The following TRIM44 variants were observed in gnomAD, a reference collection of about 807,000 sequenced individuals.
TRIM44 encodes the protein tripartite motif-containing protein 44.
Under a neutral mutation model 37.4 loss-of-function variants are expected in TRIM44, and 13 were observed. That is an observed-to-expected ratio of 0.35 (90% CI 0.23 to 0.55). TRIM44 has a LOEUF of 0.55. TRIM44 is among the 20% of genes least tolerant of loss of function. TRIM44 has a pLI of 0.89. For missense variants in TRIM44, 426 were observed against 437.2 expected (o/e 0.97, Z 0.23); for synonymous variants, 175 against 157.2 (o/e 1.11, Z -0.85).
rs369326810 is a variant in TRIM44 at position 35,663,333 on chromosome 11, G to C, written c.222G>C (p.Glu74Asp). 5.6e-6 allele frequency: 9 copies of C among 1,613,972 alleles called. No homozygotes were observed. The highest frequency in any genetic ancestry group is 2.7e-5 in the African/African-American group (2 of 74,924). Residue 74 changes from glutamate to aspartate, a missense_variant, in exon 1 of 5, where the codon GAG becomes GAC. Physicochemically the swap from Glu to Asp is conservative, Grantham distance 45 (BLOSUM62 2). Around this residue, in one of 2 missense-constraint regions of TRIM44, gnomAD observed 331 missense variants for 303.0 expected, o/e 1.09. Coordinates refer to ENST00000299413, the MANE Select transcript of TRIM44 (RefSeq NM_017583.6). ...SQAWTPPADGEGAGKEEAEVK... is the reference protein window; with the variant it reads ...SQAWTPPADGDGAGKEEAEVK... ...CCTGGACCCCGCCAGCTGACGGAGA[G>C]GGGGCGGGGAAGGAAGAAGCGGAGG... is the stretch of plus-strand genomic sequence containing the variant.
At chr11:35,764,919 A>C (rs1852774251) in intron 4 of TRIM44, among the ~76,000 whole-genome samples, 2 of 151,964 alleles carry the variant, frequency 1.3e-5, no homozygotes, top group Admixed American at 1.3e-4. Context: ...GTTGTACTTA[A>C]TTTTTTTAAA....
At chr11:35,669,456 C>CTTTA (rs35954725) in intron 1 of TRIM44, among the ~76,000 whole-genome samples, 26,931 of 148,300 alleles carry the variant, frequency 0.18, 2,593 homozygotes, top group Middle Eastern at 0.3. Context: ...AAAGGATCCC[C>CTTTA]TTTATTTATT....
chr11:35,689,332 G>T (rs978801797), intron 2 of TRIM44, among the ~76,000 whole-genome samples: 3 of 152,188 alleles, frequency 2.0e-5, no homozygotes, highest in African/African-American at 7.2e-5. Context: ...TTTTGTGCAT[G>T]GATGTTGCTG....
chr11:35,747,862 A>G (rs542993595), intron 4 of TRIM44, among the ~76,000 whole-genome samples: 2 of 150,062 alleles, frequency 1.3e-5, no homozygotes, highest in Admixed American at 1.3e-4. Context: ...TCCAGAACTG[A>G]TAATTAACTG....
At chr11:35,757,947 A>G (rs147793703) in intron 4 of TRIM44, among the ~76,000 whole-genome samples, 4,350 of 152,186 alleles carry the variant, frequency 0.029, 191 homozygotes, top group East Asian at 0.14. Context: ...AATAGGTGTG[A>G]TGTGGTGCTG....
intron 4 of TRIM44, among the ~76,000 whole-genome samples, chr11:35,755,882 G>C (rs1472086513): frequency 6.6e-6 from 1 of 152,174 alleles, no homozygotes; most frequent in Non-Finnish European, 1.5e-5. Flanking sequence ...TTTGGTACCA[G>C]TACCATGCTG....
chr11:35,756,535 A>G (rs1435005734), intron 4 of TRIM44, among the ~76,000 whole-genome samples: 1 of 152,118 alleles, frequency 6.6e-6, no homozygotes, highest in South Asian at 2.1e-4. Context: ...AGAACTTCCA[A>G]CACTATGTTG....
intron 4 of TRIM44, among the ~76,000 whole-genome samples, chr11:35,776,382 A>G (rs1261349410): frequency 6.6e-6 from 1 of 151,978 alleles, no homozygotes; most frequent in Non-Finnish European, 1.5e-5. Context: ...CGGTCTATCA[A>G]TTTTGTTGAT....
At chr11:35,771,978 ATGGTTTCCTTGGT>A (rs1384478668) in intron 4 of TRIM44, among the ~76,000 whole-genome samples, 2 of 152,150 alleles carry the variant, frequency 1.3e-5, no homozygotes, top group African/African-American at 2.4e-5. Context: ...CTAGGAGAAC[ATGGTTTCCTTGGT>A]CAGCCCAGTG....
intron 1 of TRIM44, among the ~76,000 whole-genome samples, chr11:35,664,508 G>A (rs993983465): frequency 6.6e-6 from 1 of 152,194 alleles, no homozygotes. Context: ...GAAACTGCTG[G>A]TGTTAATCGG....
At chr11:35,669,323 C>G (rs1173708823) in intron 1 of TRIM44, among the ~76,000 whole-genome samples, 1 of 152,072 alleles carries the variant, frequency 6.6e-6, no homozygotes. Flanking sequence ...TTTTTTCCCC[C>G]TCTCTGTTTT....
At chr11:35,758,700 G>A (rs1047733254) in intron 4 of TRIM44, among the ~76,000 whole-genome samples, 25 of 152,100 alleles carry the variant, frequency 1.6e-4, no homozygotes, top group Admixed American at 4.6e-4. Context: ...GCTTGTTGGT[G>A]ACAAAATCTC....
At chr11:35,765,179 G>T (rs761139410) in intron 4 of TRIM44, among the ~76,000 whole-genome samples, 22 of 152,134 alleles carry the variant, frequency 1.4e-4, no homozygotes, top group Non-Finnish European at 1.3e-4. Context: ...CAGGACCTCT[G>T]TCATGAGACA....
intron 3 of TRIM44, among the ~76,000 whole-genome samples, chr11:35,728,954 C>T (rs1852219011): frequency 6.6e-6 from 1 of 152,160 alleles, no homozygotes; most frequent in Admixed American, 6.5e-5. Context: ...TAAACACATT[C>T]TATTTTACTC....
At chr11:35,783,256 G>C (rs1853088050) in intron 4 of TRIM44, among the ~76,000 whole-genome samples, 1 of 152,162 alleles carries the variant, frequency 6.6e-6, no homozygotes, top group Admixed American at 6.5e-5. Context: ...CATTTCTCCA[G>C]AATGTCAGCC....
rs1220055712 is a variant in TRIM44 at position 35,806,940 on chromosome 11, G to GAGAA, written c.*559_*562dup. On this transcript the variant is annotated 3_prime_UTR_variant, in exon 5 of 5. Transcript: ENST00000299413. Reference sequence around the variant, plus strand: ...GATGGATGACTGGAAAAAGGTGTTGGAGAAAGAGTTAAAGATGAGGAAGAG... The same window carrying GAGAA: ...GATGGATGACTGGAAAAAGGTGTTGGAGAAAGAAAGAGTTAAAGATGAGGAAGAG... 1.3e-5 allele frequency: 2 copies of GAGAA among 152,586 alleles called. No homozygotes were observed. The highest frequency in any genetic ancestry group is 3.9e-4 in the East Asian group (2 of 5,192). The allele number at this position is 152,586 out of a possible 1,614,324, so 9.5% of individuals were successfully genotyped here.
chr11:35,742,846 ATAT>A (rs200391440), intron 4 of TRIM44, among the ~76,000 whole-genome samples: 1,531 of 145,872 alleles, frequency 0.01, 31 homozygotes, highest in African/African-American at 0.036. Context: ...TATCATTAAT[ATAT>A]TATTTTTATT....
chr11:35,753,206 G>C (rs181038419), intron 4 of TRIM44, among the ~76,000 whole-genome samples: 2 of 152,168 alleles, frequency 1.3e-5, no homozygotes, highest in East Asian at 3.9e-4. Flanking sequence ...ATACAATTGG[G>C]GGGGGAGTTA....
chr11:35,742,755 A>G (rs1317783000), intron 4 of TRIM44, among the ~76,000 whole-genome samples: 1 of 134,010 alleles, frequency 7.5e-6, no homozygotes, highest in Non-Finnish European at 1.5e-5. Context: ...TTAATGTTAT[A>G]TGTTATGTAT....
Sources: allele counts gnomAD v4.1 joint callset (sites outside exome capture counted in the v4.1 genomes callset), GRCh38; gene constraint gnomAD v4.1.1; regional missense constraint gnomAD v4.1.1; transcripts MANE v1.5; gene names NCBI Gene and HGNC (gene_info 2026-07-23, HGNC 2026-07-21).